Variants in ZNF217 observed in about 807,000 individuals in gnomAD.
The protein encoded by ZNF217 is zinc finger protein 217.
Under a neutral mutation model 73.3 loss-of-function variants are expected in ZNF217, and 12 were observed. That is an observed-to-expected ratio of 0.16 (90% CI 0.10 to 0.27). The LOEUF (loss-of-function observed/expected upper bound fraction) is 0.27. Among genes scored for constraint, ZNF217 ranks in the 10% least tolerant of loss-of-function variants. ZNF217 has a pLI of 1.00. For missense variants in ZNF217, 1,195 were observed against 1,327.8 expected (o/e 0.90, Z 1.55); for synonymous variants, 588 against 516.4 (o/e 1.14, Z -1.88).
At chr20:53,579,350 C>T (rs117719194) in intron 2 of ZNF217, among the ~76,000 whole-genome samples, 3,381 of 152,218 alleles carry the variant, frequency 0.022, 68 homozygotes, top group Middle Eastern at 0.079. Context: ...GACAGACACC[C>T]TTGATGATCT....
At position 53,581,543 on chromosome 20, in the gene ZNF217, C is replaced by A; in HGVS notation, c.1284G>T (p.Leu428=). 6.2e-7 allele frequency: 1 copy of A among 1,614,190 alleles called. No homozygotes were observed. The highest frequency in any genetic ancestry group is 1.3e-5 in the African/African-American group (1 of 75,058). ...GTCSPDLAAP[L]DENGAVDRGE... ...CTCGATCCACGGCTCCATTTTCATC[C>A]AGAGGGGCGGCGAGGTCAGGAGAAC... is the stretch of plus-strand genomic sequence containing the variant. Residue 428 remains leucine (L), a synonymous_variant, in exon 2 of 6, where the codon CTG becomes CTT. Coordinates refer to ENST00000371471, the MANE Select transcript of ZNF217 (RefSeq NM_006526.3). This position sits in a 1 kb window ranked among gnomAD's most constrained non-coding sequence, Gnocchi z 4.9.
chr20:53,592,680 G>A (rs1988922405), intron 1 of ZNF217, among the ~76,000 whole-genome samples: 1 of 151,840 alleles, frequency 6.6e-6, no homozygotes, highest in African/African-American at 2.4e-5. Context: ...GGACCGCCCA[G>A]GCAGCCCCAA....
Position 53,571,094 on chromosome 20 carries a change from A to G in ZNF217, c.*23+627T>C, listed in dbSNP as rs118189158. Among the ~76,000 whole-genome samples the G allele has an allele frequency of 5.3e-3, 810 of 152,312 alleles. 4 individuals are homozygous for G. The highest frequency in any genetic ancestry group is 9.2e-3 in the Non-Finnish European group (625 of 68,020). ...AACAGATGGGCATGATCATGTTCCA[A>G]TAAAACTTTATTGATGATGATGCAT... On this transcript the variant is annotated intron_variant, in intron 5 of 5. Transcript: ENST00000371471.
intron 1 of ZNF217, among the ~76,000 whole-genome samples, chr20:53,589,513 G>A (rs1278523883): frequency 6.6e-6 from 1 of 152,204 alleles, no homozygotes; most frequent in African/African-American, 2.4e-5. Context: ...TGGCTAGCGG[G>A]GGCTTCCCCC....
At chr20:53,597,652 T>G (rs369892278), upstream of ZNF217, 23 of 151,656 alleles carry the variant, frequency 1.5e-4, no homozygotes, top group East Asian at 3.7e-3. Context: ...GAAGGCAGGG[T>G]CTGGAACCTG....
chr20:53,589,158 G>T (rs1266590922), intron 1 of ZNF217, among the ~76,000 whole-genome samples: 1 of 152,050 alleles, frequency 6.6e-6, no homozygotes, highest in Non-Finnish European at 1.5e-5. Context: ...AACACTACAC[G>T]AGTCTGTTAA....
At chr20:53,571,632 C>T in intron 5 of ZNF217, 89 bp downstream of exon 5, 1 of 1,436,584 alleles carries the variant, frequency 7.0e-7, no homozygotes, top group Non-Finnish European at 9.2e-7. Context: ...GTCTCAAATG[C>T]TCGATCTCAG....
intron 4 of ZNF217, 45 bp from the exon 5 acceptor site, chr20:53,571,898 A>G: frequency 1.3e-6 from 2 of 1,568,474 alleles, no homozygotes; most frequent in Non-Finnish European, 1.7e-6. Flanking sequence ...TCAAACAATT[A>G]GGTAAGATGT....
rs1332411031 is a variant in ZNF217 at position 53,568,599 on chromosome 20, T to G, written c.*689A>C. 6.6e-6 allele frequency: 1 copy of G among 152,164 alleles called. No individual in the cohort carries two copies. The highest frequency in any genetic ancestry group is 1.5e-5 in the Non-Finnish European group (1 of 68,062). 9.4% of individuals were successfully genotyped at this position (152,164 alleles called of 1,614,324 possible). A position where few individuals can be genotyped will look rare whatever the true frequency, so the allele number is the denominator to read the frequency against. On this transcript the variant is annotated 3_prime_UTR_variant, in exon 6 of 6. Transcript: ENST00000371471. ...AAGAAGGTGCCTTCCCCATCTGAGATGCTCAAAGTTGCGATAAAATGCTGC... is the reference window on the plus strand; with the variant it reads ...AAGAAGGTGCCTTCCCCATCTGAGAGGCTCAAAGTTGCGATAAAATGCTGC...
intron 5 of ZNF217, among the ~76,000 whole-genome samples, chr20:53,571,152 C>A (rs1014426192): frequency 6.6e-6 from 1 of 152,080 alleles, no homozygotes; most frequent in Non-Finnish European, 1.5e-5. Context: ...TTACCTAAGC[C>A]CTCTGCTGCA....
At chr20:53,588,997 C>A (rs145389739) in intron 1 of ZNF217, among the ~76,000 whole-genome samples, 2 of 152,162 alleles carry the variant, frequency 1.3e-5, no homozygotes, top group African/African-American at 4.8e-5. Flanking sequence ...GCTTTGTTAT[C>A]CTTATTTGAT....
At chr20:53,575,665 G>A in intron 4 of ZNF217, 62 bp downstream of exon 4, 1 of 1,450,222 alleles carries the variant, frequency 6.9e-7, no homozygotes, top group Non-Finnish European at 9.2e-7. Flanking sequence ...CACTGAGAAT[G>A]CCTGGATTAG....
rs149968476 is a variant in ZNF217, at chr20:53,576,487, C to T, written c.2277G>A (p.Ala759=). 140 of 1,614,234 alleles carry T rather than the reference C, an allele frequency of 8.7e-5. 1 individual carries two copies. In the African/African-American group the frequency reaches 1.2e-3, roughly 14 times the overall value. ...GGGGAGGCACATCTTTTCCCAGCAACGCTGGCGGGCATCCGGTACGTCGAC... is the reference window on the plus strand; with the variant it reads ...GGGGAGGCACATCTTTTCCCAGCAATGCTGGCGGGCATCCGGTACGTCGAC... ...LRSRRTGCPP[A]LLGKDVPPLS... Residue 759 remains alanine, a synonymous_variant, in exon 4 of 6, where the codon GCG becomes GCA. Coordinates refer to ENST00000371471, the MANE Select transcript of ZNF217 (RefSeq NM_006526.3).
chr20:53,575,693 C>T, intron 4 of ZNF217, 34 bp downstream of exon 4: 1 of 1,521,080 alleles, frequency 6.6e-7, no homozygotes, highest in Non-Finnish European at 8.8e-7. Context: ...TCACTGTAGG[C>T]AGCCATTTAA....
chr20:53,588,932 G>A (rs902703283), intron 1 of ZNF217, among the ~76,000 whole-genome samples: 6 of 152,124 alleles, frequency 3.9e-5, no homozygotes, highest in African/African-American at 1.2e-4. Flanking sequence ...ATAAACTGAA[G>A]AAAAACTCTA....
chr20:53,573,403 G>T (rs1988103709), intron 4 of ZNF217, among the ~76,000 whole-genome samples: 1 of 152,018 alleles, frequency 6.6e-6, no homozygotes, highest in Non-Finnish European at 1.5e-5. Flanking sequence ...CTATTAATTT[G>T]CAGTATTGTA....
At chr20:53,572,001 T>C (rs1245215460) in intron 4 of ZNF217, 148 bp from the exon 5 acceptor site, 3 of 780,804 alleles carry the variant, frequency 3.8e-6, no homozygotes, top group African/African-American at 1.8e-5. Context: ...TGTTTTCAGT[T>C]ACAGCTGAAT....
chr20:53,583,483 C>A (rs1988585230), intron 1 of ZNF217, among the ~76,000 whole-genome samples: 1 of 152,134 alleles, frequency 6.6e-6, no homozygotes, highest in Admixed American at 6.5e-5. Flanking sequence ...ATTTTAAATG[C>A]CACTAAAATG....
intron 2 of ZNF217, among the ~76,000 whole-genome samples, chr20:53,579,770 G>C (rs568563331): frequency 6.6e-6 from 1 of 152,326 alleles, no homozygotes; most frequent in Non-Finnish European, 1.5e-5. Flanking sequence ...ATTGTCCTTG[G>C]GAGGTGGAAG....
Sources: allele counts gnomAD v4.1 joint callset (sites outside exome capture counted in the v4.1 genomes callset), GRCh38; gene constraint gnomAD v4.1.1; non-coding constraint Gnocchi (gnomAD v3.1); transcripts MANE v1.5; gene names NCBI Gene and HGNC (gene_info 2026-07-23, HGNC 2026-07-21).